The following ZFPM2 variants were observed in gnomAD, a reference collection of about 807,000 sequenced individuals.
ZFPM2 encodes zinc finger protein ZFPM2.
Under a neutral mutation model 98.6 loss-of-function variants are expected in ZFPM2, and 20 were observed. The observed-to-expected ratio is 0.20, with a 90% CI of 0.14 to 0.29. The LOEUF is 0.29. Ranked by LOEUF, ZFPM2 falls within the 10% of genes least tolerant of loss-of-function variation. The pLI is 1.00. For synonymous variants in ZFPM2, 518 were observed against 502.7 expected (o/e 1.03, Z -0.41); for missense variants, 1,310 against 1,388.6 (o/e 0.94, Z 0.90).
At chr8:105,632,823 TATTAAAG>T (rs1816777811) in intron 4 of ZFPM2, among the ~76,000 whole-genome samples, 1 of 152,200 alleles carries the variant, frequency 6.6e-6, no homozygotes, top group Non-Finnish European at 1.5e-5. Flanking sequence ...AAAATATAAA[TATTAAAG>T]ATTAATGTAT....
intron 5 of ZFPM2, among the ~76,000 whole-genome samples, chr8:105,770,174 G>T (rs1434095949): frequency 6.6e-6 from 1 of 151,928 alleles, no homozygotes; most frequent in African/African-American, 2.4e-5. Context: ...GCAGAGATTT[G>T]CACAATTCTA....
intron 3 of ZFPM2, among the ~76,000 whole-genome samples, chr8:105,535,447 C>T (rs957723943): frequency 2.6e-5 from 4 of 152,150 alleles, no homozygotes; most frequent in African/African-American, 9.7e-5. Context: ...CAAAAACTCA[C>T]TCGTATGTTG....
At chr8:105,783,671 AG>A (rs1182893872) in intron 5 of ZFPM2, among the ~76,000 whole-genome samples, 3 of 152,176 alleles carry the variant, frequency 2.0e-5, no homozygotes, top group Admixed American at 2.0e-4. Flanking sequence ...CATTTCACTC[AG>A]TACAATGTCC....
chr8:105,443,339 A>AAAAAAAAAAT (rs1812305323), intron 2 of ZFPM2, among the ~76,000 whole-genome samples: 1 of 150,510 alleles, frequency 6.6e-6, no homozygotes, highest in Non-Finnish European at 1.5e-5. Flanking sequence ...AAAAAAAAAA[A>AAAAAAAAAAT]CTTGGCATTA....
intron 4 of ZFPM2, among the ~76,000 whole-genome samples, chr8:105,595,706 A>G (rs1366174649): frequency 1.3e-5 from 2 of 152,254 alleles, no homozygotes; most frequent in East Asian, 3.9e-4. Context: ...TCTGGATTTT[A>G]TTCTTTATTC....
intron 3 of ZFPM2, among the ~76,000 whole-genome samples, chr8:105,473,241 A>G (rs1043381341): frequency 2.6e-5 from 4 of 151,656 alleles, no homozygotes; most frequent in African/African-American, 9.7e-5. Context: ...TTAGGATCCA[A>G]CTCAGGATCT....
chr8:105,513,532 C>A lies in ZFPM2; in HGVS notation c.302-47831C>A, dbSNP rs1448972769. Among the ~76,000 whole-genome samples the A allele has an allele frequency of 3.9e-5, 6 of 152,148 alleles. 1 individual carries two copies. The highest frequency in any genetic ancestry group is 1.4e-4 in the African/African-American group (6 of 41,440). On this transcript the variant is annotated intron_variant, in intron 3 of 7. Coordinates refer to ENST00000407775, the MANE Select transcript of ZFPM2 (RefSeq NM_012082.4). ...GTAGAATAAGGCAAACTGGAGAGCT[C>A]TTCTATTGTTTGAGTCTCCAGATTA...
chr8:105,663,032 G>A (rs1408934572), intron 5 of ZFPM2: 1 of 152,190 alleles, frequency 6.6e-6, no homozygotes, highest in Non-Finnish European at 1.5e-5. Flanking sequence ...TGCCTGTCAA[G>A]GTTGTTGCTA....
At chr8:105,400,790 T>C (rs1286246459) in intron 1 of ZFPM2, among the ~76,000 whole-genome samples, 2 of 152,042 alleles carry the variant, frequency 1.3e-5, no homozygotes, top group East Asian at 1.9e-4. Flanking sequence ...TATAAATTAA[T>C]TAAAATTAAA....
chr8:105,487,960 T>C (rs1258897910), intron 3 of ZFPM2, among the ~76,000 whole-genome samples: 4 of 151,486 alleles, frequency 2.6e-5, no homozygotes, highest in African/African-American at 9.7e-5. Context: ...CTATCTGTCA[T>C]GTCTTTTTTT....
chr8:105,758,679 AATAG>A (rs1274354211), intron 5 of ZFPM2, among the ~76,000 whole-genome samples: 20 of 152,022 alleles, frequency 1.3e-4, no homozygotes, highest in Non-Finnish European at 2.6e-4. Context: ...GAAAACCTTA[AATAG>A]ATCTTTAATA....
chr8:105,642,668 C>T (rs1816969393), intron 5 of ZFPM2, among the ~76,000 whole-genome samples: 1 of 152,124 alleles, frequency 6.6e-6, no homozygotes, highest in South Asian at 2.1e-4. Context: ...ACATGCTCTG[C>T]CCACGATATG....
chr8:105,512,106 C>T (rs1361554220), intron 3 of ZFPM2, among the ~76,000 whole-genome samples: 2 of 152,210 alleles, frequency 1.3e-5, no homozygotes, highest in Non-Finnish European at 2.9e-5. Context: ...GATCATCCCA[C>T]TGCACTCCAA....
chr8:105,655,016 T>G (rs1817255373), intron 5 of ZFPM2, among the ~76,000 whole-genome samples: 1 of 152,160 alleles, frequency 6.6e-6, no homozygotes, highest in South Asian at 2.1e-4. Context: ...AATAAACTAT[T>G]AATTTTAGAT....
chr8:105,744,890 C>T (rs1812307463), intron 5 of ZFPM2, among the ~76,000 whole-genome samples: 1 of 152,120 alleles, frequency 6.6e-6, no homozygotes, highest in African/African-American at 2.4e-5. Context: ...CCTGTGATCT[C>T]ACAACTTCAT....
chr8:105,706,554 A>G (rs1297052959), intron 5 of ZFPM2, among the ~76,000 whole-genome samples: 1 of 152,084 alleles, frequency 6.6e-6, no homozygotes, highest in Admixed American at 6.5e-5. Flanking sequence ...TAGCAAAAGT[A>G]AATAACTGAT....
chr8:105,499,162 CT>C (rs1813536569), intron 3 of ZFPM2, among the ~76,000 whole-genome samples: 1 of 151,796 alleles, frequency 6.6e-6, no homozygotes, highest in Admixed American at 6.6e-5. Context: ...TGACATCTGC[CT>C]GCTGCACAGG....
chr8:105,370,579 A>T (rs1321046651), intron 1 of ZFPM2, among the ~76,000 whole-genome samples: 1 of 152,172 alleles, frequency 6.6e-6, no homozygotes, highest in Non-Finnish European at 1.5e-5. Context: ...GAAACCTGAG[A>T]ATAAAAGGGG....
chr8:105,496,048 TA>T lies in ZFPM2; in HGVS notation c.301+51670del, dbSNP rs576309617. On this transcript the variant is annotated intron_variant, in intron 3 of 7. Coordinates refer to ENST00000407775, the MANE Select transcript of ZFPM2 (RefSeq NM_012082.4). ...TTAACATGGATACAATGCTATTAAC[TA>T]AACTCCAGACTTTATTCAGATTTCT... Among the ~76,000 whole-genome samples, 16 of 152,364 alleles carry T rather than the reference TA, an allele frequency of 1.1e-4. No homozygotes were observed. The South Asian group carries it at 3.1e-3, about 30-fold the overall frequency.
Sources: gnomAD v4.1 joint callset for allele counts (sites outside exome capture counted in the v4.1 genomes callset) on GRCh38, gnomAD v4.1.1 for gene constraint, MANE v1.5 for transcripts, NCBI Gene and HGNC (gene_info 2026-07-23, HGNC 2026-07-21) for gene names.